Variants in SORCS3 observed in about 807,000 individuals in gnomAD.
SORCS3 encodes sortilin related VPS10 domain containing receptor 3.
A neutral mutation model predicts 146.3 loss-of-function variants in SORCS3; 57 were observed. The ratio of observed to expected loss-of-function variants is 0.39; its 90% CI spans 0.31 to 0.49. The LOEUF is 0.49. Ranked by LOEUF, SORCS3 falls within the 20% of genes least tolerant of loss-of-function variation. SORCS3 has a pLI of 0.92. For missense variants in SORCS3, 1,341 were observed against 1,575.5 expected (o/e 0.85, Z 2.52); for synonymous variants, 653 against 618.5 (o/e 1.06, Z -0.83).
At chr10:105,261,579 G>A (rs1420470763) in intron 25 of SORCS3, among the ~76,000 whole-genome samples, 5 of 152,172 alleles carry the variant, frequency 3.3e-5, no homozygotes, top group East Asian at 1.9e-4. Context: ...GGAGTCTCCC[G>A]AGGCTGGAAC....
intron 5 of SORCS3, among the ~76,000 whole-genome samples, chr10:105,043,838 C>A (rs2055352710): frequency 1.3e-5 from 2 of 152,008 alleles, no homozygotes; most frequent in Admixed American, 1.3e-4. Context: ...GAATATAAGC[C>A]CTTCCTCCTA....
At chr10:105,083,671 T>G (rs2055640347) in intron 5 of SORCS3, among the ~76,000 whole-genome samples, 1 of 152,224 alleles carries the variant, frequency 6.6e-6, no homozygotes, top group Non-Finnish European at 1.5e-5. Context: ...CTTCAGTCAC[T>G]ACTCCTCTAC....
intron 8 of SORCS3, among the ~76,000 whole-genome samples, chr10:105,140,495 G>A (rs1216173014): frequency 2.0e-5 from 3 of 152,160 alleles, no homozygotes; most frequent in African/African-American, 4.8e-5. Context: ...AATAAGCAAC[G>A]ATAGGTATGA....
chr10:105,160,576 A>G (rs1216621247), intron 11 of SORCS3, among the ~76,000 whole-genome samples: 4 of 152,130 alleles, frequency 2.6e-5, no homozygotes, highest in Admixed American at 6.6e-5. Context: ...GCAGTGAGCC[A>G]AGGTGGTGCC....
intron 13 of SORCS3, among the ~76,000 whole-genome samples, chr10:105,176,556 TA>T (rs969422857): frequency 2.0e-5 from 3 of 150,478 alleles, no homozygotes; most frequent in East Asian, 2.0e-4. Context: ...CTTGTCTCTT[TA>T]AAAAAACAAA....
At chr10:104,729,769 C>G (rs1393213324) in intron 1 of SORCS3, among the ~76,000 whole-genome samples, 1 of 152,198 alleles carries the variant, frequency 6.6e-6, no homozygotes, top group East Asian at 1.9e-4. Flanking sequence ...GGCACTGCTT[C>G]TACCACGCCT....
intron 20 of SORCS3, among the ~76,000 whole-genome samples, chr10:105,242,499 TATTTATATATATTTATATAC>T (rs2056834312): frequency 3.6e-5 from 3 of 83,260 alleles, no homozygotes; most frequent in East Asian, 3.5e-4. Flanking sequence ...TATTTATATA[TATTTATATATATTTATATAC>T]ATTTATATAT....
Position 105,075,659 on chromosome 10 carries a change from G to T in SORCS3, c.1029-14116G>T, listed in dbSNP as rs147955532. Reference sequence around the variant, plus strand: ...CCTATAAAGAAGGGGGGCGAGAAGGGGTGGAGCAGAACAGGAGGCTTTCTA... The same window carrying T: ...CCTATAAAGAAGGGGGGCGAGAAGGTGTGGAGCAGAACAGGAGGCTTTCTA... On this transcript the variant is annotated intron_variant, in intron 5 of 26. Transcript: ENST00000369701. 4.5e-3 allele frequency among the ~76,000 whole-genome samples: 691 copies of T among 152,234 alleles called. 3 individuals carry two copies. Among genetic ancestry groups the T allele is most frequent in the South Asian group, 0.01 (50 of 4,824 alleles).
chr10:104,696,523 G>T lies in SORCS3; in HGVS notation c.627+54569G>T, dbSNP rs866759239. Among the ~76,000 whole-genome samples, 65 of 58,656 alleles carry T rather than the reference G, an allele frequency of 1.1e-3. 1 individual carries two copies. Among genetic ancestry groups the T allele is most frequent in the South Asian group, 1.4e-3 (3 of 2,128 alleles). The allele number at this position is 58,656 out of a possible 152,430, so 38.5% of individuals were successfully genotyped here. On this transcript the variant is annotated intron_variant, in intron 1 of 26. Transcript: ENST00000369701. ...TATATAATATATAATATATAATATA[G>T]AATATATATTATATACATATATAAT...
At chr10:104,872,447 C>T (rs1440563696) in intron 2 of SORCS3, among the ~76,000 whole-genome samples, 2 of 152,160 alleles carry the variant, frequency 1.3e-5, no homozygotes, top group Non-Finnish European at 2.9e-5. Flanking sequence ...TGTGAGTGTG[C>T]ATCAGCATTA....
intron 3 of SORCS3, among the ~76,000 whole-genome samples, chr10:104,925,093 T>C (rs188557390): frequency 6.6e-6 from 1 of 152,296 alleles, no homozygotes; most frequent in African/African-American, 2.4e-5. Flanking sequence ...CAGTGTGTGA[T>C]GTTCCCCTCC....
chr10:105,244,648 GT>G lies in SORCS3; in HGVS notation c.2869-887del, dbSNP rs573994386. On this transcript the variant is annotated intron_variant, in intron 20 of 26. Transcript: ENST00000369701. Reference sequence around the variant, plus strand: ...AAGATTAATAAATGATCACAAATATGTTTTTTTGTGTATTTTCCAACCTATT... The same window carrying G: ...AAGATTAATAAATGATCACAAATATGTTTTTTGTGTATTTTCCAACCTATT... Among the ~76,000 whole-genome samples the G allele has an allele frequency of 1.1e-4, 17 of 152,186 alleles. 1 individual carries two copies. In the East Asian group the frequency reaches 2.1e-3, roughly 19 times the overall value.
chr10:105,108,617 C>A (rs1283521318), intron 7 of SORCS3, among the ~76,000 whole-genome samples: 2 of 152,112 alleles, frequency 1.3e-5, no homozygotes, highest in Admixed American at 1.3e-4. Context: ...GGTGCTAGAT[C>A]CCACTGGGCC....
At chr10:104,859,825 T>C (rs951404312) in intron 2 of SORCS3, among the ~76,000 whole-genome samples, 28 of 151,036 alleles carry the variant, frequency 1.9e-4, no homozygotes, top group African/African-American at 3.4e-4. Flanking sequence ...AAAATGCTCA[T>C]CATCACTGGC....
intron 1 of SORCS3, among the ~76,000 whole-genome samples, chr10:104,679,296 G>A (rs1045450940): frequency 2.7e-4 from 41 of 152,152 alleles, no homozygotes; most frequent in African/African-American, 9.4e-4. Context: ...AAAAGCTGTT[G>A]TAGTGGCCCA....
chr10:105,252,926 G>T lies in SORCS3; in HGVS notation c.3237+20G>T. On this transcript the variant is annotated intron_variant, in intron 23 of 26. Coordinates refer to ENST00000369701, the MANE Select transcript of SORCS3 (RefSeq NM_014978.3). ...GAACAAGTAAGTGAAAGTAAATCTGGCTGGGACCCTTGCCTGCACCCTACA... is the reference window on the plus strand; with the variant it reads ...GAACAAGTAAGTGAAAGTAAATCTGTCTGGGACCCTTGCCTGCACCCTACA... 1.9e-6 allele frequency: 3 copies of T among 1,612,978 alleles called. No individual in the cohort carries two copies. Among genetic ancestry groups the T allele is most frequent in the East Asian group, 2.2e-5 (1 of 44,836 alleles).
chr10:104,642,022 G>GGGGGGGGGGGGGCC, intron 1 of SORCS3, 68 bp downstream of exon 1: 5 of 173,334 alleles, frequency 2.9e-5, no homozygotes, highest in East Asian at 3.0e-4. Context: ...GGGTGGGTGG[G>GGGGGGGGGGGGGCC]AGCGAGGGAC....
intron 1 of SORCS3, among the ~76,000 whole-genome samples, chr10:104,657,100 G>T (rs1295438620): frequency 6.6e-6 from 1 of 152,176 alleles, no homozygotes; most frequent in Non-Finnish European, 1.5e-5. Context: ...AGAAGCATGT[G>T]TGTTTCTACC....
At chr10:105,095,363 G>C (rs2055738598) in intron 6 of SORCS3, among the ~76,000 whole-genome samples, 3 of 152,208 alleles carry the variant, frequency 2.0e-5, no homozygotes, top group Admixed American at 6.5e-5. Context: ...TGGTAGAGCA[G>C]ACCAGAGACT....
Sources: allele counts gnomAD v4.1 joint callset (sites outside exome capture counted in the v4.1 genomes callset), GRCh38; gene constraint gnomAD v4.1.1; transcripts MANE v1.5; gene names NCBI Gene and HGNC (gene_info 2026-07-23, HGNC 2026-07-21).